The following CCDC141 variants were observed in gnomAD, a reference collection of about 807,000 sequenced individuals.
CCDC141 encodes coiled-coil domain-containing protein 141.
In CCDC141, 168 loss-of-function variants were observed where a neutral mutation model predicts 181.0. The ratio of observed to expected loss-of-function variants is 0.93; its 90% CI spans 0.82 to 1.05. The LOEUF (loss-of-function observed/expected upper bound fraction) is 1.05, where lower values mean the gene tolerates loss of function less well. Among genes scored for constraint, CCDC141 ranks in the 50% least tolerant of loss-of-function variants. The pLI is 0.00. For synonymous variants in CCDC141, 666 were observed against 642.3 expected, an observed-to-expected ratio of 1.04 and a Z score of -0.56; for missense variants, 1,902 against 1,788.5, an observed-to-expected ratio of 1.06 and a Z score of -1.14.
At chr2:178,958,569 A>G (rs1559007168) in intron 5 of CCDC141, among the ~76,000 whole-genome samples, 1 of 152,136 alleles carries the variant, frequency 6.6e-6, no homozygotes, top group Non-Finnish European at 1.5e-5. Flanking sequence ...CAAGTCAGAA[A>G]CCTTCTGCTA....
rs929646144 is a variant in CCDC141, at chr2:178,833,884, G to A, written c.*289C>T. 3 of 298,218 alleles carry A rather than the reference G, an allele frequency of 1.0e-5. No homozygotes were observed. The highest frequency in any genetic ancestry group is 1.9e-5 in the Non-Finnish European group (3 of 160,380). The allele number at this position is 298,218 out of a possible 1,614,324, so 18.5% of individuals were successfully genotyped here. A position where few individuals can be genotyped will look rare whatever the true frequency, so the allele number is the denominator to read the frequency against. ...TCATCTGCACGCCCTTAAATTAGGAGGGAATAGGCATAGAATAATTTTGCT... is the reference window on the plus strand; with the variant it reads ...TCATCTGCACGCCCTTAAATTAGGAAGGAATAGGCATAGAATAATTTTGCT... On this transcript the variant is annotated 3_prime_UTR_variant, in exon 24 of 24. Coordinates refer to ENST00000443758, the MANE Select transcript of CCDC141 (RefSeq NM_173648.4).
At chr2:178,815,616 C>T in the CCDC141 span, among the ~76,000 whole-genome samples, 399 of 152,202 alleles carry the variant, frequency 2.6e-3, 3 homozygotes, top group South Asian at 0.023. Flanking sequence ...TAACCCCCAG[C>T]GGATATCAAA....
intron 5 of CCDC141, among the ~76,000 whole-genome samples, chr2:178,957,073 T>C (rs903220195): frequency 6.6e-6 from 1 of 152,056 alleles, no homozygotes; most frequent in Admixed American, 6.6e-5. Flanking sequence ...ATGGGGTTTC[T>C]CCATGTTGAG....
chr2:178,862,662 C>A (rs1446371627), intron 17 of CCDC141, among the ~76,000 whole-genome samples: 3 of 152,090 alleles, frequency 2.0e-5, no homozygotes, highest in Non-Finnish European at 4.4e-5. Flanking sequence ...GTCTGGCAGT[C>A]TGAAGATTAT....
At chr2:178,955,233 C>T (rs1032691756) in intron 5 of CCDC141, among the ~76,000 whole-genome samples, 8 of 151,888 alleles carry the variant, frequency 5.3e-5, no homozygotes, top group African/African-American at 7.3e-5. Flanking sequence ...TGCAGTGAGC[C>T]GAGACTGTGC....
intron 8 of CCDC141, among the ~76,000 whole-genome samples, chr2:178,903,870 G>A (rs948920991): frequency 1.3e-5 from 2 of 151,938 alleles, no homozygotes; most frequent in African/African-American, 4.8e-5. Flanking sequence ...TGTGCTTTGA[G>A]ACCCATTTGT....
chr2:178,986,234 G>A (rs1335340035), intron 2 of CCDC141, among the ~76,000 whole-genome samples: 1 of 152,164 alleles, frequency 6.6e-6, no homozygotes, highest in African/African-American at 2.4e-5. Context: ...TATCTCAATA[G>A]ATGCAGAAAA....
intron 21 of CCDC141, among the ~76,000 whole-genome samples, chr2:178,849,203 C>T (rs529156528): frequency 6.6e-6 from 1 of 152,286 alleles, no homozygotes; most frequent in South Asian, 2.1e-4. Flanking sequence ...GCAAGACCAC[C>T]ACTAGGCCTC....
intron 2 of CCDC141, among the ~76,000 whole-genome samples, chr2:178,989,730 C>T (rs1031218175): frequency 5.6e-5 from 8 of 144,058 alleles, no homozygotes; most frequent in Admixed American, 2.9e-4. Flanking sequence ...AAATGGCAAA[C>T]AAGTGCACAC....
At chr2:178,868,413 A>T (rs1315240787) in intron 15 of CCDC141, among the ~76,000 whole-genome samples, 1 of 152,166 alleles carries the variant, frequency 6.6e-6, no homozygotes, top group African/African-American at 2.4e-5. Flanking sequence ...TCCATTAAAG[A>T]AGGAAACAGT....
Position 178,853,585 on chromosome 2 carries a change from T to C in CCDC141, c.3100A>G (p.Arg1034Gly), listed in dbSNP as rs1405275582. Reference protein sequence around the residue: ...WYEDASATVVRVGKYSTECKT... With the variant: ...WYEDASATVVGVGKYSTECKT... ...CACTCTGTGGAATATTTTCCAACTC[T>C]TACAACTGTGGCACTTGCATCTTCG... Residue 1034 changes from arginine (R) to glycine (G), a missense_variant, in exon 20 of 24, where the codon AGA becomes GGA. Physicochemically the swap from Arg to Gly is moderately radical, Grantham distance 125 (BLOSUM62 -2). Transcript: ENST00000443758. 1 of 1,613,812 alleles carries C rather than the reference T, an allele frequency of 6.2e-7. No homozygotes were observed. The highest frequency in any genetic ancestry group is 1.3e-5 in the African/African-American group (1 of 74,926).
At chr2:178,864,145 C>A (rs2154368401) in intron 17 of CCDC141, among the ~76,000 whole-genome samples, 1 of 151,976 alleles carries the variant, frequency 6.6e-6, no homozygotes. Context: ...TAGAGCCCAA[C>A]CATCACTGCA....
chr2:178,837,450 T>G lies in CCDC141; in HGVS notation c.3769A>C (p.Ser1257Arg). 4 of 1,614,110 alleles carry G rather than the reference T, an allele frequency of 2.5e-6. No homozygotes were observed. Among genetic ancestry groups the G allele is most frequent in the Middle Eastern group, 1.7e-4 (1 of 6,060 alleles). ...ACAGATTCCTGGGCATCCCCTGGGCTGCTGGTCCCAGCCTGCACCCCATAG... is the reference window on the plus strand; with the variant it reads ...ACAGATTCCTGGGCATCCCCTGGGCGGCTGGTCCCAGCCTGCACCCCATAG... The part of the protein sequence containing the change: ...SSYGVQAGTS[S>R]PGDAQESVLP... Residue 1257 changes from serine to arginine, a missense_variant, in exon 23 of 24, where the codon AGC (serine) becomes CGC (arginine). Ser to Arg is a moderately radical substitution (Grantham distance 110). Coordinates refer to ENST00000443758, the MANE Select transcript of CCDC141 (RefSeq NM_173648.4).
Position 178,868,094 on chromosome 2 carries a change from G to C in CCDC141, c.2506C>G (p.Arg836Gly), listed in dbSNP as rs768543357. The change falls in exon 16 of 24, where the codon CGT becomes GGT. Residue 836 changes from arginine to glycine, a missense_variant. By Grantham distance (125) the Arg-to-Gly change is moderately radical (BLOSUM62 -2). Transcript: ENST00000443758. ...GCCAGTCTGTGGAGATGGTCTACACGGGCTTGCTTTTCCTGAGAGCACCGG... is the reference window on the plus strand; with the variant it reads ...GCCAGTCTGTGGAGATGGTCTACACCGGCTTGCTTTTCCTGAGAGCACCGG... The part of the protein sequence containing the change: ...HLRCSQEKQA[R>G]VDHLHRLALS... 1.2e-6 allele frequency: 2 copies of C among 1,613,990 alleles called. No homozygotes were observed. The highest frequency in any genetic ancestry group is 1.1e-5 in the South Asian group (1 of 91,078).
chr2:178,842,001 C>T lies in CCDC141; in HGVS notation c.3474+3625G>A, dbSNP rs377696127. ...TGTCTAGTTTTCAACTATGAAAATG[C>T]TATCCAAACATTTACATATACTAAT... On this transcript the variant is annotated intron_variant, in intron 22 of 23. Transcript: ENST00000443758. Among the ~76,000 whole-genome samples, 4 of 152,230 alleles carry T rather than the reference C, an allele frequency of 2.6e-5. No individual in the cohort carries two copies. The East Asian group carries it at 7.7e-4, about 29-fold the overall frequency.
At chr2:178,851,101 G>A (rs946847807) in intron 20 of CCDC141, among the ~76,000 whole-genome samples, 4 of 151,710 alleles carry the variant, frequency 2.6e-5, no homozygotes, top group Non-Finnish European at 5.9e-5. Context: ...AGCTACTCGG[G>A]AGGCTGAGGC....
chr2:178,849,357 T>C (rs1250094500), intron 21 of CCDC141, among the ~76,000 whole-genome samples: 4 of 152,110 alleles, frequency 2.6e-5, no homozygotes, highest in African/African-American at 9.7e-5. Flanking sequence ...ATTTAGGGAG[T>C]TGGTATTTCA....
intron 2 of CCDC141, among the ~76,000 whole-genome samples, chr2:178,984,694 C>A (rs1314050778): frequency 6.7e-6 from 1 of 149,566 alleles, no homozygotes. Context: ...GACTTTAAAC[C>A]AACAAAGATC....
At chr2:178,921,381 A>G (rs1211098667) in intron 6 of CCDC141, among the ~76,000 whole-genome samples, 1 of 152,260 alleles carries the variant, frequency 6.6e-6, no homozygotes, top group African/African-American at 2.4e-5. Flanking sequence ...TCTGAGCATC[A>G]GTTTTGGTTC....
Sources: gnomAD v4.1 joint callset for allele counts (sites outside exome capture counted in the v4.1 genomes callset) on GRCh38, gnomAD v4.1.1 for gene constraint, MANE v1.5 for transcripts, NCBI Gene and HGNC (gene_info 2026-07-23, HGNC 2026-07-21) for gene names.